Variants in CRYL1 observed in about 807,000 individuals in gnomAD.
CRYL1 encodes lambda-crystallin homolog.
CRYL1 carries 29 observed loss-of-function variants against 36.6 expected under a neutral mutation model. That is an observed-to-expected ratio of 0.79 (90% CI 0.59 to 1.08). The LOEUF (loss-of-function observed/expected upper bound fraction) is 1.08, where lower values mean the gene tolerates loss of function less well. Among genes scored for constraint, CRYL1 ranks in the 50% least tolerant of loss-of-function variants. The pLI, the probability that CRYL1 is intolerant of heterozygous loss-of-function variation, is 0.00. For synonymous variants in CRYL1, 152 were observed against 151.5 expected (o/e 1.00, Z -0.02); for missense variants, 411 against 407.9 (o/e 1.01, Z -0.06).
intron 5 of CRYL1, among the ~76,000 whole-genome samples, chr13:20,429,597 G>A (rs917477827): frequency 6.6e-6 from 1 of 152,172 alleles, no homozygotes; most frequent in Admixed American, 6.5e-5. Flanking sequence ...GAGGCACACT[G>A]TAGCCAGCAC....
At chr13:20,519,739 A>G (rs2034063028) in intron 1 of CRYL1, among the ~76,000 whole-genome samples, 2 of 152,190 alleles carry the variant, frequency 1.3e-5, no homozygotes, top group Admixed American at 1.3e-4. Flanking sequence ...GGGATGAACA[A>G]TCTATAGATT....
At chr13:20,465,084 G>A (rs1428255673) in intron 3 of CRYL1, among the ~76,000 whole-genome samples, 1 of 152,186 alleles carries the variant, frequency 6.6e-6, no homozygotes, top group African/African-American at 2.4e-5. Context: ...AGTAGTTTAA[G>A]TAGAGGAGCA....
chr13:20,443,717 C>T (rs2032396913), intron 3 of CRYL1, among the ~76,000 whole-genome samples: 1 of 152,170 alleles, frequency 6.6e-6, no homozygotes, highest in South Asian at 2.1e-4. Flanking sequence ...AAATAGGCAT[C>T]CTGTTGCTAG....
rs998486169 is a variant in CRYL1 at position 20,466,044 on chromosome 13, C to CAGCCTA, written c.276+23320_276+23325dup. 2.6e-5 allele frequency among the ~76,000 whole-genome samples: 4 copies of CAGCCTA among 152,126 alleles called. No homozygotes were observed. The South Asian group carries it at 8.3e-4, about 32-fold the overall frequency. ...CTTCACCTTCTGCCATGGGTGGGAG[C>CAGCCTA]AGCCTAAAGCCCTCACCAGAAGCCG... On this transcript the variant is annotated intron_variant, in intron 3 of 7. Coordinates refer to ENST00000298248, the MANE Select transcript of CRYL1 (RefSeq NM_015974.3).
intron 7 of CRYL1, 46 bp downstream of exon 7, chr13:20,404,589 G>C (rs752343725): frequency 7.7e-7 from 1 of 1,292,418 alleles, no homozygotes; most frequent in South Asian, 1.2e-5. Context: ...AGTGCTCCAG[G>C]TAGCCAACAT....
At chr13:20,460,581 A>G (rs911304687) in intron 3 of CRYL1, among the ~76,000 whole-genome samples, 1 of 121,358 alleles carries the variant, frequency 8.2e-6, no homozygotes, top group Non-Finnish European at 1.6e-5. Context: ...GCTGGAGTGC[A>G]GTGGCGCTAT....
At chr13:20,499,484 TA>T (rs1565984726) in intron 2 of CRYL1, among the ~76,000 whole-genome samples, 1 of 58,098 alleles carries the variant, frequency 1.7e-5, no homozygotes, top group East Asian at 7.6e-4. Context: ...CCATCTCTAC[TA>T]AAAAAATGAA....
chr13:20,456,818 G>A (rs983620239), intron 3 of CRYL1, among the ~76,000 whole-genome samples: 5 of 152,270 alleles, frequency 3.3e-5, no homozygotes, highest in African/African-American at 1.2e-4. Flanking sequence ...GAAACTCTGG[G>A]AGAGAGTGGA....
chr13:20,478,398 A>C (rs2033207454), intron 3 of CRYL1, among the ~76,000 whole-genome samples: 1 of 152,182 alleles, frequency 6.6e-6, no homozygotes, highest in South Asian at 2.1e-4. Context: ...ATCAACATGA[A>C]GTCAACTTTC....
intron 1 of CRYL1, among the ~76,000 whole-genome samples, chr13:20,513,912 TAAA>T (rs34147753): frequency 1.6e-4 from 17 of 103,780 alleles, no homozygotes; most frequent in African/African-American, 4.3e-4. Context: ...AAGAAAGTAT[TAAA>T]AAAAAAAAAA....
chr13:20,456,454 G>A (rs1337837186), intron 3 of CRYL1, among the ~76,000 whole-genome samples: 1 of 142,762 alleles, frequency 7.0e-6, no homozygotes. Flanking sequence ...CATCCTGGGT[G>A]ACAGAGTGAG....
At chr13:20,404,542 GAGGC>G in intron 7 of CRYL1, 89 bp downstream of exon 7, 1 of 784,990 alleles carries the variant, frequency 1.3e-6, no homozygotes, top group East Asian at 2.5e-5. Context: ...TCCAGCTGCA[GAGGC>G]AGGCCCACCC....
intron 3 of CRYL1, among the ~76,000 whole-genome samples, chr13:20,471,266 C>T (rs2033053133): frequency 6.6e-6 from 1 of 151,892 alleles, no homozygotes; most frequent in Non-Finnish European, 1.5e-5. Flanking sequence ...CTAAAGCAAA[C>T]AAAAACATGT....
chr13:20,507,657 A>C (rs549091891), intron 2 of CRYL1, among the ~76,000 whole-genome samples: 30 of 152,324 alleles, frequency 2.0e-4, no homozygotes, highest in African/African-American at 6.7e-4. Context: ...AGTGGCTCAC[A>C]CCTGTAATCC....
At chr13:20,493,360 G>A (rs1302003786) in intron 2 of CRYL1, among the ~76,000 whole-genome samples, 15 of 152,204 alleles carry the variant, frequency 9.9e-5, no homozygotes. Flanking sequence ...CGACAGGGCG[G>A]TCAGAAATGC....
chr13:20,512,678 A>C (rs553828348), intron 1 of CRYL1, 128 bp from the exon 2 acceptor site: 44 of 628,716 alleles, frequency 7.0e-5, no homozygotes, highest in Admixed American at 1.7e-4. Context: ...CATATCTTAA[A>C]AGTACACATT....
chr13:20,450,958 AG>A (rs1405510376), intron 3 of CRYL1, among the ~76,000 whole-genome samples: 1 of 151,772 alleles, frequency 6.6e-6, no homozygotes, highest in Admixed American at 6.6e-5. Flanking sequence ...AACTATCGCA[AG>A]GACAGAAAAC....
intron 5 of CRYL1, among the ~76,000 whole-genome samples, chr13:20,423,836 T>A (rs1185525618): frequency 5.5e-5 from 8 of 146,724 alleles, no homozygotes; most frequent in Middle Eastern, 3.5e-3. Flanking sequence ...AGTGGTGTGA[T>A]CTTGGCTCAC....
rs140361154 is a variant in CRYL1, at chr13:20,518,524, G to T, written c.42-5974C>A. Among the ~76,000 whole-genome samples, 466 of 152,280 alleles carry T rather than the reference G, an allele frequency of 3.1e-3. 5 individuals carry two copies. The highest frequency in any genetic ancestry group is 0.025 in the South Asian group (121 of 4,822). On this transcript the variant is annotated intron_variant, in intron 1 of 7. Transcript: ENST00000298248. ...AGGTCAAAGGGAAGGAGAGAACGGT[G>T]AGCTCATTGCATGGCACCTCAGAAG...
Sources: gnomAD v4.1 joint callset for allele counts (sites outside exome capture counted in the v4.1 genomes callset) on GRCh38, gnomAD v4.1.1 for gene constraint, MANE v1.5 for transcripts, NCBI Gene and HGNC (gene_info 2026-07-23, HGNC 2026-07-21) for gene names.